QRFPR: variants seen among roughly 807,000 people sequenced by gnomAD.
QRFPR encodes the protein pyroglutamylated RF-amide peptide receptor.
In QRFPR, 37 loss-of-function variants were observed where a neutral mutation model predicts 31.3. That is an observed-to-expected ratio of 1.18 (90% CI 0.91 to 1.56). The LOEUF is 1.56. QRFPR is among the 40% of genes most tolerant of loss of function. The probability of loss-of-function intolerance (pLI) is 0.00; values close to 1 mark genes in which losing one functional copy is unlikely to be tolerated. For synonymous variants in QRFPR, 197 were observed against 192.0 expected, an observed-to-expected ratio of 1.03 and a Z score of -0.22; for missense variants, 542 against 532.5, an observed-to-expected ratio of 1.02 and a Z score of -0.18.
At chr4:121,346,081 G>C (rs1476364786) in intron 1 of QRFPR, among the ~76,000 whole-genome samples, 1 of 152,128 alleles carries the variant, frequency 6.6e-6, no homozygotes, top group Non-Finnish European at 1.5e-5. Flanking sequence ...TTGTTCCAAG[G>C]TTGTTGAAAA....
Position 121,380,307 on chromosome 4 carries a change from C to G in QRFPR, c.340+1G>C, listed in dbSNP as rs752925170. ...GCGAAGGAGCGGGGCGCGACTCTTA[C>G]CCCCCAGCCAGTTGTCGGAAATGTT... On this transcript the variant is annotated splice_donor_variant, in intron 1 of 5. Transcript: ENST00000394427. LOFTEE classifies it high-confidence loss of function. 1.9e-5 allele frequency: 30 copies of G among 1,607,846 alleles called. No homozygotes were observed. The African/African-American group carries it at 2.0e-4, about 11-fold the overall frequency.
chr4:121,329,683 T>C lies in QRFPR; in HGVS notation c.927A>G (p.Thr309=), dbSNP rs1344379389. The part of the protein sequence containing the change: ...SNFEKEYDDV[T]IKMIFAIVQI... ...GCACGATAGCAAAAATCATCTTGAT[T>C]GTGACATCATCATATTCCTTTTCAA... Residue 309 remains threonine, a synonymous_variant, in exon 6 of 6, where the codon ACA becomes ACG. Coordinates refer to ENST00000394427, the MANE Select transcript of QRFPR (RefSeq NM_198179.3). 1 of 1,566,772 alleles carries C rather than the reference T, an allele frequency of 6.4e-7. No homozygotes were observed. The highest frequency in any genetic ancestry group is 1.2e-5 in the South Asian group (1 of 82,818).
chr4:121,374,355 G>A (rs1185236748), intron 1 of QRFPR, among the ~76,000 whole-genome samples: 1 of 152,074 alleles, frequency 6.6e-6, no homozygotes, highest in Non-Finnish European at 1.5e-5. Context: ...CTGGTACATG[G>A]GGTAGGCACT....
Position 121,329,557 on chromosome 4 carries a change from T to C in QRFPR, c.1053A>G (p.Ile351Met). ...GTGCTGGAGAGAAGGTTTTATTTAC[T>C]ATGCAATAACAAACTGCAGACAAAA... The part of the protein sequence containing the change: ...KNVLSAVCYC[I>M]VNKTFSPAQR... The change falls in exon 6 of 6, where the codon ATA (isoleucine) becomes ATG (methionine). Residue 351 changes from isoleucine (I) to methionine (M), a missense_variant. Transcript: ENST00000394427. The C allele has an allele frequency of 1.2e-6, 2 of 1,613,876 alleles. No homozygotes were observed. The highest frequency in any genetic ancestry group is 2.2e-5 in the East Asian group (1 of 44,856).
At position 121,367,022 on chromosome 4, in the gene QRFPR, G is replaced by A. The variant is rs1027361009; in HGVS notation, c.340+13286C>T. On this transcript the variant is annotated intron_variant, in intron 1 of 5. Transcript: ENST00000394427. ...GTTTCACGGTCACTCTCACCCTGGT[G>A]TCCAAATTGAGGTGCCGTCATGTAC... Among the ~76,000 whole-genome samples, 13 of 150,066 alleles carry A rather than the reference G, an allele frequency of 8.7e-5. 1 individual carries two copies. Among genetic ancestry groups the A allele is most frequent in the Non-Finnish European group, 1.8e-4 (12 of 67,612 alleles).
chr4:121,330,849 G>A (rs1309788041), intron 4 of QRFPR, among the ~76,000 whole-genome samples: 2 of 152,108 alleles, frequency 1.3e-5, no homozygotes, highest in Non-Finnish European at 2.9e-5. Context: ...GAAGTTAGAT[G>A]GCTAGTAAAG....
At chr4:121,355,811 T>C (rs1234021933) in intron 1 of QRFPR, among the ~76,000 whole-genome samples, 4 of 152,148 alleles carry the variant, frequency 2.6e-5, no homozygotes, top group African/African-American at 9.6e-5. Flanking sequence ...AATTTCTTTA[T>C]TGATGCATTG....
intron 1 of QRFPR, among the ~76,000 whole-genome samples, chr4:121,358,500 A>G (rs940037980): frequency 6.6e-6 from 1 of 152,058 alleles, no homozygotes; most frequent in Non-Finnish European, 1.5e-5. Flanking sequence ...AAGAATTCCA[A>G]CTTCCATACA....
At chr4:121,335,874 A>G (rs1291118124) in intron 3 of QRFPR, among the ~76,000 whole-genome samples, 2 of 152,106 alleles carry the variant, frequency 1.3e-5, no homozygotes, top group African/African-American at 4.8e-5. Context: ...ATGATATTTC[A>G]CCAAGAGGAC....
At chr4:121,348,869 G>A (rs374432709) in intron 1 of QRFPR, among the ~76,000 whole-genome samples, 6 of 152,048 alleles carry the variant, frequency 3.9e-5, no homozygotes, top group East Asian at 1.9e-4. Flanking sequence ...AGGCCGAGGC[G>A]GGCTGATCAT....
chr4:121,380,622 T>A lies in QRFPR; in HGVS notation c.26A>T (p.Glu9Val). The A allele has an allele frequency of 1.3e-6, 2 of 1,587,232 alleles. No homozygotes were observed. Among genetic ancestry groups the A allele is most frequent in the Non-Finnish European group, 1.7e-6 (2 of 1,163,896 alleles). The change falls in exon 1 of 6, where the codon GAG (glutamate) becomes GTG (valine). Residue 9 changes from glutamate to valine, a missense_variant. Physicochemically the swap from Glu to Val is moderately radical, Grantham distance 121 (BLOSUM62 -2). Transcript: ENST00000394427. MQALNITP[E>V]QFSRLLRDHN... ...GTCCCGCAGCAGCCGAGAGAACTGC[T>A]CCGGGGTAATGTTAAGCGCCTGCAT...
chr4:121,361,427 C>T (rs1338825340), intron 1 of QRFPR, among the ~76,000 whole-genome samples: 2 of 150,066 alleles, frequency 1.3e-5, no homozygotes, highest in Non-Finnish European at 3.0e-5. Context: ...GATACGCAGC[C>T]ATGGTCTATT....
chr4:121,335,490 C>T (rs1725415028), intron 3 of QRFPR, among the ~76,000 whole-genome samples: 2 of 145,006 alleles, frequency 1.4e-5, no homozygotes, highest in Admixed American at 1.5e-4. Context: ...ACCTAGAGGG[C>T]ATTGATTCCA....
At chr4:121,352,180 C>T (rs1013575975) in intron 1 of QRFPR, among the ~76,000 whole-genome samples, 2 of 152,108 alleles carry the variant, frequency 1.3e-5, no homozygotes, top group Middle Eastern at 3.4e-3. Context: ...GTTAAAAATT[C>T]AATTCAACTG....
chr4:121,365,231 A>T (rs1726068928), intron 1 of QRFPR, among the ~76,000 whole-genome samples: 1 of 147,112 alleles, frequency 6.8e-6, no homozygotes, highest in Non-Finnish European at 1.5e-5. Context: ...CTGTGGGCGG[A>T]TCATGAGGTC....
At chr4:121,366,514 A>G (rs972644810) in intron 1 of QRFPR, among the ~76,000 whole-genome samples, 1 of 146,640 alleles carries the variant, frequency 6.8e-6, no homozygotes, top group African/African-American at 2.5e-5. Context: ...CCACACAAAG[A>G]ATTCTGGGTA....
chr4:121,333,936 A>G (rs936698146), intron 3 of QRFPR, among the ~76,000 whole-genome samples: 2 of 152,208 alleles, frequency 1.3e-5, no homozygotes, highest in Non-Finnish European at 2.9e-5. Flanking sequence ...CCAGTCTTCA[A>G]TGTGAATTGA....
intron 1 of QRFPR, among the ~76,000 whole-genome samples, chr4:121,345,000 T>C (rs368093138): frequency 6.6e-6 from 1 of 152,240 alleles, no homozygotes; most frequent in East Asian, 1.9e-4. Flanking sequence ...GATAATTAGA[T>C]GTTAGTATCA....
rs1032249904 is a variant in QRFPR at position 121,366,044 on chromosome 4, G to T, written c.340+14264C>A. Among the ~76,000 whole-genome samples, 6 of 149,022 alleles carry T rather than the reference G, an allele frequency of 4.0e-5. 2 individuals are homozygous for T. The highest frequency in any genetic ancestry group is 1.5e-4 in the African/African-American group (6 of 40,150). On this transcript the variant is annotated intron_variant, in intron 1 of 5. Coordinates refer to ENST00000394427, the MANE Select transcript of QRFPR (RefSeq NM_198179.3). ...TTCACTACAAAAATTTGTCTTCCAG[G>T]TCTCAAACTAGTACCTGAGTTCGAG...
Sources: allele counts gnomAD v4.1 joint callset (sites outside exome capture counted in the v4.1 genomes callset), GRCh38; gene constraint gnomAD v4.1.1; transcripts MANE v1.5; gene names NCBI Gene and HGNC (gene_info 2026-07-23, HGNC 2026-07-21).